The following LRP6 variants were observed in gnomAD, a reference collection of about 807,000 sequenced individuals.
LRP6 encodes the protein LDL receptor related protein 6.
In LRP6, 43 loss-of-function variants were observed where a neutral mutation model predicts 184.1. That is an observed-to-expected ratio of 0.23 (90% CI 0.18 to 0.30). The LOEUF (loss-of-function observed/expected upper bound fraction) is 0.30, where lower values mean the gene tolerates loss of function less well. Ranked by LOEUF, LRP6 falls within the 10% of genes least tolerant of loss-of-function variation. The probability of loss-of-function intolerance (pLI) is 1.00; values close to 1 mark genes in which losing one functional copy is unlikely to be tolerated. For synonymous variants in LRP6, 719 were observed against 684.9 expected (o/e 1.05, Z -0.78); for missense variants, 1,571 against 2,005.3 (o/e 0.78, Z 4.14).
intron 1 of LRP6, among the ~76,000 whole-genome samples, chr12:12,263,276 A>AG (rs1555129103): frequency 1.4e-5 from 2 of 146,214 alleles, no homozygotes; most frequent in African/African-American, 2.5e-5. Flanking sequence ...TAAAAAAAAA[A>AG]AAAGAATGTG....
At chr12:12,140,015 G>A (rs1244942420) in intron 15 of LRP6, among the ~76,000 whole-genome samples, 3 of 152,100 alleles carry the variant, frequency 2.0e-5, no homozygotes, top group African/African-American at 7.2e-5. Context: ...TTGAAAATAT[G>A]TGTAAGAAAT....
At chr12:12,165,367 A>C (rs1394336623) in intron 7 of LRP6, 72 bp from the exon 8 acceptor site, 1 of 1,040,904 alleles carries the variant, frequency 9.6e-7, no homozygotes, top group Non-Finnish European at 1.5e-6. Context: ...AACAAATCCA[A>C]CTGCCTGTTG....
chr12:12,184,244 T>A (rs1863414230), intron 4 of LRP6, 133 bp from the exon 5 acceptor site: 3 of 724,528 alleles, frequency 4.1e-6, no homozygotes, highest in Non-Finnish European at 7.5e-6. Context: ...TATCAAACCA[T>A]CTGCAAAGAC....
intron 3 of LRP6, among the ~76,000 whole-genome samples, chr12:12,188,600 T>C (rs1375888399): frequency 6.6e-6 from 1 of 152,218 alleles, no homozygotes; most frequent in Non-Finnish European, 1.5e-5. Context: ...GGAATGATCT[T>C]AGTCTAAAGC....
intron 10 of LRP6, among the ~76,000 whole-genome samples, chr12:12,161,272 C>CTTT (rs3216538): frequency 6.8e-6 from 1 of 147,944 alleles, no homozygotes; most frequent in African/African-American, 2.5e-5. Flanking sequence ...CTGTTTACTT[C>CTTT]TTTTTTTTTT....
At chr12:12,143,833 T>C (rs1055512869) in intron 15 of LRP6, among the ~76,000 whole-genome samples, 1 of 152,232 alleles carries the variant, frequency 6.6e-6, no homozygotes, top group Non-Finnish European at 1.5e-5. Flanking sequence ...TTCTTTCTTT[T>C]TTCTTATTGC....
At chr12:12,177,705 C>G (rs1276083220) in intron 7 of LRP6, among the ~76,000 whole-genome samples, 2 of 152,062 alleles carry the variant, frequency 1.3e-5, no homozygotes, top group Non-Finnish European at 2.9e-5. Context: ...TCAGAATCTC[C>G]AGGGGAAATT....
At chr12:12,149,576 T>G (rs1950053296) in intron 13 of LRP6, among the ~76,000 whole-genome samples, 1 of 152,220 alleles carries the variant, frequency 6.6e-6, no homozygotes, top group African/African-American at 2.4e-5. Context: ...CATTTTTTAC[T>G]GTCACGACTG....
chr12:12,195,367 T>C (rs1207147418), intron 3 of LRP6, among the ~76,000 whole-genome samples: 1 of 152,274 alleles, frequency 6.6e-6, no homozygotes, highest in South Asian at 2.1e-4. Flanking sequence ...TATTATTTTT[T>C]GTCTTTTTGG....
intron 10 of LRP6, among the ~76,000 whole-genome samples, chr12:12,161,629 C>A (rs774197416): frequency 6.6e-6 from 1 of 152,090 alleles, no homozygotes; most frequent in Non-Finnish European, 1.5e-5. Context: ...TAGCTGCCGG[C>A]TTTAAAAAAT....
At chr12:12,165,016 T>C (rs1383517126) in intron 8 of LRP6, 63 bp downstream of exon 8, 5 of 1,278,292 alleles carry the variant, frequency 3.9e-6, no homozygotes, top group Non-Finnish European at 5.6e-6. Flanking sequence ...TTTACACTGC[T>C]GACTATCTCC....
In LRP6 at chr12:12,164,602, A is replaced by G. The variant is rs767083202; in HGVS notation, c.1763-40T>C. 7.0e-6 allele frequency: 11 copies of G among 1,569,316 alleles called. No homozygotes were observed. In the South Asian group the frequency reaches 7.8e-5, roughly 11 times the overall value. ...ATAAAAGGGGCACAGAAGGACACAC[A>G]CATTGATACATTCAACATATTTTCA... On this transcript the variant is annotated intron_variant, in intron 8 of 22. Transcript: ENST00000261349.
At chr12:12,249,736 T>C (rs908665439) in intron 1 of LRP6, among the ~76,000 whole-genome samples, 9 of 145,346 alleles carry the variant, frequency 6.2e-5, no homozygotes, top group Non-Finnish European at 1.5e-5. Context: ...AGGAAGGAAA[T>C]AAATTAATTA....
chr12:12,246,502 G>A (rs1034346205), intron 1 of LRP6, among the ~76,000 whole-genome samples: 2 of 151,548 alleles, frequency 1.3e-5, no homozygotes, highest in Non-Finnish European at 2.9e-5. Flanking sequence ...ACCAGCCTTG[G>A]CAACACATGG....
chr12:12,196,064 C>T (rs909584780), intron 3 of LRP6, among the ~76,000 whole-genome samples: 6 of 152,112 alleles, frequency 3.9e-5, no homozygotes, highest in African/African-American at 7.2e-5. Flanking sequence ...TGTTTTTATG[C>T]CAGTACCATG....
At chr12:12,226,704 C>A (rs1306235902) in intron 2 of LRP6, 3 of 152,232 alleles carry the variant, frequency 2.0e-5, no homozygotes, top group Admixed American at 1.3e-4. Context: ...TATACTAACA[C>A]TGGAACAATT....
intron 1 of LRP6, among the ~76,000 whole-genome samples, chr12:12,264,297 A>G (rs1339871427): frequency 2.6e-5 from 4 of 152,194 alleles, no homozygotes; most frequent in African/African-American, 9.7e-5. Flanking sequence ...AACCCTGCAA[A>G]CTAGTCAGGT....
intron 7 of LRP6, among the ~76,000 whole-genome samples, chr12:12,179,369 G>C (rs7974059): frequency 2.1e-5 from 1 of 47,176 alleles, no homozygotes; most frequent in Non-Finnish European, 5.5e-5. Flanking sequence ...AAAAGATATA[G>C]ATATAGATAT....
At chr12:12,260,392 GA>G (rs1865583435) in intron 1 of LRP6, among the ~76,000 whole-genome samples, 2 of 144,090 alleles carry the variant, frequency 1.4e-5, no homozygotes, top group East Asian at 4.1e-4. Context: ...AAAAAAAAAA[GA>G]AAAAAAATTT....
Sources: allele counts gnomAD v4.1 joint callset (sites outside exome capture counted in the v4.1 genomes callset), GRCh38; gene constraint gnomAD v4.1.1; transcripts MANE v1.5; gene names NCBI Gene and HGNC (gene_info 2026-07-23, HGNC 2026-07-21).